ADAMTSL1: variants seen among roughly 807,000 people sequenced by gnomAD.
ADAMTSL1 encodes ADAMTS-like protein 1.
Under a neutral mutation model 201.8 loss-of-function variants are expected in ADAMTSL1, and 126 were observed. The observed-to-expected ratio is 0.62, with a 90% CI of 0.54 to 0.72. ADAMTSL1 has a LOEUF of 0.72. ADAMTSL1 is among the 30% of genes least tolerant of loss of function. The pLI is 0.00. For synonymous variants in ADAMTSL1, 1,121 were observed against 903.4 expected (o/e 1.24, Z -4.32); for missense variants, 2,679 against 2,277.8 (o/e 1.18, Z -3.59).
intron 21 of ADAMTSL1, among the ~76,000 whole-genome samples, chr9:18,824,205 A>G (rs1157379024): frequency 2.6e-5 from 4 of 151,978 alleles, no homozygotes; most frequent in Non-Finnish European, 5.9e-5. Context: ...TGGGAAAAAA[A>G]CTAAGCTCAG....
intron 1 of ADAMTSL1, among the ~76,000 whole-genome samples, chr9:18,494,105 C>G (rs1822401693): frequency 6.6e-6 from 1 of 152,092 alleles, no homozygotes; most frequent in Non-Finnish European, 1.5e-5. Context: ...GCCTGTAATC[C>G]CAGCACTTTG....
At chr9:18,514,220 C>T (rs1317163175) in intron 2 of ADAMTSL1, among the ~76,000 whole-genome samples, 1 of 151,806 alleles carries the variant, frequency 6.6e-6, no homozygotes. Flanking sequence ...TTAGTTTATT[C>T]CTAAGTATTT....
At chr9:18,763,862 G>A (rs1332972756) in intron 16 of ADAMTSL1, among the ~76,000 whole-genome samples, 3 of 152,116 alleles carry the variant, frequency 2.0e-5, no homozygotes, top group Admixed American at 6.5e-5. Context: ...TTTCATGCCA[G>A]TACTATGCTA....
At chr9:18,588,215 A>T in intron 4 of ADAMTSL1, among the ~76,000 whole-genome samples, 1 of 152,112 alleles carries the variant, frequency 6.6e-6, no homozygotes, top group East Asian at 1.9e-4. Flanking sequence ...TTCCCTGATG[A>T]TTTGTAATGT....
intron 3 of ADAMTSL1, among the ~76,000 whole-genome samples, chr9:18,565,043 A>G (rs1821788000): frequency 6.6e-6 from 1 of 152,248 alleles, no homozygotes; most frequent in African/African-American, 2.4e-5. Context: ...GTTTTTACTT[A>G]GATCAACTCT....
chr9:18,404,310 T>G (rs944328667), intron 2 of ADAMTSL1, among the ~76,000 whole-genome samples: 2 of 152,236 alleles, frequency 1.3e-5, no homozygotes, highest in Admixed American at 6.5e-5. Flanking sequence ...TTCTTCATGA[T>G]GTACTACCAA....
At chr9:18,890,373 C>A (rs1185529703) in intron 25 of ADAMTSL1, among the ~76,000 whole-genome samples, 2 of 152,080 alleles carry the variant, frequency 1.3e-5, no homozygotes, top group East Asian at 1.9e-4. Flanking sequence ...GCTATGAGTC[C>A]CCCTGTGCAC....
chr9:18,460,695 A>G (rs986176893), intron 2 of ADAMTSL1, among the ~76,000 whole-genome samples: 16 of 152,186 alleles, frequency 1.1e-4, no homozygotes, highest in Middle Eastern at 3.2e-3. Context: ...GCAAAAGTAA[A>G]TTCTTCCCTG....
rs1322321479 is a variant in ADAMTSL1, at chr9:18,906,861, G to A, written c.5131G>A (p.Gly1711Arg). The stretch of plus-strand genomic sequence containing the variant: ...AGTGCCTGAGCACCTGTGCTCCTGG[G>A]GGCCCCGGCCTGCCAACTGGCAGCG... ...KAVPEHLCSW[G>R]PRPANWQRCN... Residue 1711 changes from glycine to arginine, a missense_variant, in exon 28 of 29, where the codon GGG becomes AGG. Gly to Arg is a moderately radical substitution (Grantham distance 125). Transcript: ENST00000380548. The A allele has an allele frequency of 3.1e-6, 5 of 1,613,984 alleles. No homozygotes were observed. The South Asian group carries it at 5.5e-5, about 18-fold the overall frequency.
At chr9:18,369,617 C>T (rs565599284) in intron 2 of ADAMTSL1, among the ~76,000 whole-genome samples, 1 of 152,276 alleles carries the variant, frequency 6.6e-6, no homozygotes, top group South Asian at 2.1e-4. Context: ...CCCATCTATC[C>T]TACTACTGTG....
At chr9:18,487,559 A>C (rs911261210) in intron 1 of ADAMTSL1, among the ~76,000 whole-genome samples, 2 of 152,196 alleles carry the variant, frequency 1.3e-5, no homozygotes, top group Non-Finnish European at 2.9e-5. Flanking sequence ...AAAAAAAGTT[A>C]ATTTCAGTCT....
At chr9:18,457,633 CAGA>C (rs1820656868) in intron 2 of ADAMTSL1, among the ~76,000 whole-genome samples, 2 of 152,204 alleles carry the variant, frequency 1.3e-5, no homozygotes, top group Non-Finnish European at 2.9e-5. Flanking sequence ...TGCACCCGAC[CAGA>C]AGAATTTCTA....
At chr9:18,062,350 A>T (rs931942190) in intron 1 of ADAMTSL1, among the ~76,000 whole-genome samples, 2 of 152,200 alleles carry the variant, frequency 1.3e-5, no homozygotes, top group African/African-American at 4.8e-5. Flanking sequence ...TAAACATTAA[A>T]ATAGTTTGCA....
intron 1 of ADAMTSL1, among the ~76,000 whole-genome samples, chr9:18,046,570 A>G (rs1821668329): frequency 1.3e-5 from 2 of 152,204 alleles, no homozygotes; most frequent in Admixed American, 6.5e-5. Flanking sequence ...CCAGCTAAAA[A>G]TTGTTAGTAT....
chr9:18,711,839 A>G (rs1352735362), intron 14 of ADAMTSL1, among the ~76,000 whole-genome samples: 3 of 151,956 alleles, frequency 2.0e-5, no homozygotes, highest in Non-Finnish European at 2.9e-5. Context: ...GCAGACTTAA[A>G]TGTCCCTGTC....
intron 1 of ADAMTSL1, among the ~76,000 whole-genome samples, chr9:18,040,644 AGT>A (rs1491290171): frequency 1.3e-5 from 2 of 152,200 alleles, no homozygotes; most frequent in Admixed American, 6.5e-5. Flanking sequence ...TCTGTACTTA[AGT>A]ATTTGTTTAA....
chr9:18,792,202 G>A (rs543235462), intron 19 of ADAMTSL1, among the ~76,000 whole-genome samples: 5 of 152,142 alleles, frequency 3.3e-5, no homozygotes, highest in African/African-American at 1.2e-4. Context: ...TGGTTAATTT[G>A]CCATTCAGAG....
chr9:18,037,844 A>G (rs1198862526), intron 1 of ADAMTSL1, among the ~76,000 whole-genome samples: 1 of 152,206 alleles, frequency 6.6e-6, no homozygotes, highest in Non-Finnish European at 1.5e-5. Context: ...AAGATTTATT[A>G]CAGAAACAAA....
intron 2 of ADAMTSL1, among the ~76,000 whole-genome samples, chr9:18,337,351 G>T (rs1835282906): frequency 6.6e-6 from 1 of 151,984 alleles, no homozygotes; most frequent in African/African-American, 2.4e-5. Context: ...GACTTGGACG[G>T]GCTTCCTTAC....
Sources: allele counts gnomAD v4.1 joint callset (sites outside exome capture counted in the v4.1 genomes callset), GRCh38; gene constraint gnomAD v4.1.1; transcripts MANE v1.5; gene names NCBI Gene and HGNC (gene_info 2026-07-23, HGNC 2026-07-21).